Variants in SPATA17 observed in about 807,000 individuals in gnomAD.
The protein encoded by SPATA17 is spermatogenesis-associated protein 17.
A neutral mutation model predicts 62.2 loss-of-function variants in SPATA17; 53 were observed. The observed-to-expected ratio is 0.85, with a 90% confidence interval of 0.68 to 1.07. The LOEUF is 1.07. SPATA17 is among the 50% of genes least tolerant of loss of function. The pLI is 0.00. For missense variants in SPATA17, 466 were observed against 425.5 expected (o/e 1.10, Z -0.84); for synonymous variants, 146 against 146.8 (o/e 0.99, Z 0.04).
intron 10 of SPATA17, among the ~76,000 whole-genome samples, chr1:217,863,455 TA>T (rs1490201170): frequency 6.6e-6 from 1 of 152,040 alleles, no homozygotes; most frequent in African/African-American, 2.4e-5. Flanking sequence ...ACTAATACAA[TA>T]AATAGTTTTA....
intron 9 of SPATA17, among the ~76,000 whole-genome samples, chr1:217,846,578 T>A (rs1675534911): frequency 6.6e-6 from 1 of 152,082 alleles, no homozygotes; most frequent in Non-Finnish European, 1.5e-5. Flanking sequence ...ACTGAAAGAC[T>A]TTTCCTACTA....
Position 217,801,723 on chromosome 1 carries a change from T to C in SPATA17, c.878T>C (p.Leu293Ser). The C allele has an allele frequency of 1.3e-6, 2 of 1,595,044 alleles. No homozygotes were observed. Among genetic ancestry groups the C allele is most frequent in the Non-Finnish European group, 1.7e-6 (2 of 1,173,860 alleles). ...WLQNVNDNMF[L>S]PFSSYHKNEK... ...CTCTTAAATATTTCTTTCAGGTTTTTGCCATTTTCTTCATACCATAAAAAT... is the reference window on the plus strand; with the variant it reads ...CTCTTAAATATTTCTTTCAGGTTTTCGCCATTTTCTTCATACCATAAAAAT... Residue 293 changes from leucine (L) to serine (S), a missense_variant, in exon 9 of 11, where the codon TTG (leucine) becomes TCG (serine). Leu to Ser is a moderately radical substitution (Grantham distance 145). Coordinates refer to ENST00000366933, the MANE Select transcript of SPATA17 (RefSeq NM_138796.4).
rs144541820 is a variant in SPATA17, at chr1:217,774,435, G to A, written c.621G>A (p.Lys207=). 1.4e-3 allele frequency: 2,328 copies of A among 1,614,084 alleles called. 5 individuals are homozygous for A. Among genetic ancestry groups the A allele is most frequent in the Non-Finnish European group, 1.9e-3 (2,216 of 1,180,004 alleles). The change falls in exon 7 of 11, where the codon AAG becomes AAA. Residue 207 remains lysine (K), a synonymous_variant. Transcript: ENST00000366933. ...TAACACACCGAAGACCTAAAGTTAA[G>A]CAGAAGGACTCCACCAGCCTTACTG... ...KPLTHRRPKV[K]QKDSTSLTDW...
At chr1:217,764,050 G>T (rs1571789891) in intron 6 of SPATA17, among the ~76,000 whole-genome samples, 1 of 152,034 alleles carries the variant, frequency 6.6e-6, no homozygotes, top group African/African-American at 2.4e-5. Context: ...CCAATAAATG[G>T]TGCATTTATT....
chr1:217,645,636 A>C (rs1409486168), intron 1 of SPATA17, among the ~76,000 whole-genome samples: 1 of 152,164 alleles, frequency 6.6e-6, no homozygotes, highest in Admixed American at 6.6e-5. Flanking sequence ...TTTATTGCAC[A>C]TTAGCTTTAT....
chr1:217,807,839 G>T (rs182514402), intron 9 of SPATA17, among the ~76,000 whole-genome samples: 2 of 152,284 alleles, frequency 1.3e-5, no homozygotes, highest in African/African-American at 4.8e-5. Context: ...CTTACTATGC[G>T]TTTAACCTGT....
chr1:217,736,539 G>C (rs1672512700), intron 5 of SPATA17, among the ~76,000 whole-genome samples: 1 of 147,256 alleles, frequency 6.8e-6, no homozygotes, highest in South Asian at 2.1e-4. Context: ...ATCCACATCA[G>C]AAAGTAAATA....
At chr1:217,848,192 A>C (rs1263810978) in intron 9 of SPATA17, among the ~76,000 whole-genome samples, 1 of 151,650 alleles carries the variant, frequency 6.6e-6, no homozygotes, top group Non-Finnish European at 1.5e-5. Flanking sequence ...AAATATGTTC[A>C]AAGATTTGTA....
chr1:217,792,832 G>A (rs1268948443), intron 8 of SPATA17, among the ~76,000 whole-genome samples: 2 of 152,138 alleles, frequency 1.3e-5, no homozygotes, highest in Admixed American at 1.3e-4. Flanking sequence ...ATTGAGGAGA[G>A]CAGAGGCAGG....
Position 217,659,858 on chromosome 1 carries a change from C to A in SPATA17, c.240+8680C>A, listed in dbSNP as rs10495065. ...CATTTTTACTTTCCCTCTTAAAAGC[C>A]TCTTGATTCCAAACTAAACTGCATC... is the stretch of plus-strand genomic sequence containing the variant. On this transcript the variant is annotated intron_variant, in intron 3 of 10. Coordinates refer to ENST00000366933, the MANE Select transcript of SPATA17 (RefSeq NM_138796.4). Among the ~76,000 whole-genome samples the A allele has an allele frequency of 3.9e-5, 6 of 152,140 alleles. No individual in the cohort carries two copies. In the East Asian group the frequency reaches 5.8e-4, roughly 15 times the overall value.
chr1:217,727,285 A>AC (rs1672287297), intron 5 of SPATA17, among the ~76,000 whole-genome samples: 1 of 146,676 alleles, frequency 6.8e-6, no homozygotes, highest in Non-Finnish European at 1.5e-5. Flanking sequence ...AATAATAATA[A>AC]TAACAACAAA....
At chr1:217,683,915 G>A (rs1166714491) in intron 5 of SPATA17, among the ~76,000 whole-genome samples, 1 of 151,828 alleles carries the variant, frequency 6.6e-6, no homozygotes. Flanking sequence ...GTAGTATCTT[G>A]GTCCTATACA....
At chr1:217,700,057 T>C (rs900333333) in intron 5 of SPATA17, among the ~76,000 whole-genome samples, 4 of 152,188 alleles carry the variant, frequency 2.6e-5, no homozygotes, top group African/African-American at 9.7e-5. Context: ...CTATCTTATC[T>C]ACTGTAACTA....
rs1012014529 is a variant in SPATA17 at position 217,751,832 on chromosome 1, G to A, written c.519+9734G>A. Among the ~76,000 whole-genome samples, 68 of 152,148 alleles carry A rather than the reference G, an allele frequency of 4.5e-4. 1 individual carries two copies. The highest frequency in any genetic ancestry group is 4.4e-4 in the Non-Finnish European group (30 of 67,988). On this transcript the variant is annotated intron_variant, in intron 6 of 10. Transcript: ENST00000366933. ...AAAAGAGAGCCACTTAGGTAGAAAAGGGCCTTAGCTCTTTCCCTTATATAT... is the reference window on the plus strand; with the variant it reads ...AAAAGAGAGCCACTTAGGTAGAAAAAGGCCTTAGCTCTTTCCCTTATATAT...
In SPATA17 at chr1:217,648,881, GTGT is replaced by G. The variant is rs769989198; in HGVS notation, c.72_74del (p.Val25del). 2.6e-5 allele frequency: 42 copies of G among 1,590,582 alleles called. No individual in the cohort carries two copies. Among genetic ancestry groups the G allele is most frequent in the Non-Finnish European group, 3.4e-5 (40 of 1,170,152 alleles). On this transcript the variant is annotated inframe_deletion and splice_region_variant, in exon 2 of 11. Coordinates refer to ENST00000366933, the MANE Select transcript of SPATA17 (RefSeq NM_138796.4). The stretch of plus-strand genomic sequence containing the variant: ...AGTGCTTTTTAAACATTTTGTTTTA[GTGT>G]TGTAGATCCATTTAGAAAAAAGGAG...
intron 9 of SPATA17, among the ~76,000 whole-genome samples, chr1:217,855,246 C>T (rs970221350): frequency 6.6e-6 from 1 of 152,182 alleles, no homozygotes; most frequent in Non-Finnish European, 1.5e-5. Context: ...CCTTTAGTGC[C>T]AGTTTCATAT....
chr1:217,728,376 A>T (rs1311648874), intron 5 of SPATA17, among the ~76,000 whole-genome samples: 1 of 152,140 alleles, frequency 6.6e-6, no homozygotes, highest in Non-Finnish European at 1.5e-5. Context: ...CTGTTTCTTA[A>T]TTGTTATACA....
intron 5 of SPATA17, among the ~76,000 whole-genome samples, chr1:217,723,093 G>T (rs1299000406): frequency 6.6e-6 from 1 of 152,114 alleles, no homozygotes; most frequent in Non-Finnish European, 1.5e-5. Context: ...CGTAAACCTG[G>T]TGTTGAGGCC....
intron 9 of SPATA17, among the ~76,000 whole-genome samples, chr1:217,809,074 A>C (rs61825831): frequency 0.033 from 4,953 of 152,270 alleles, 109 homozygotes; most frequent in Middle Eastern, 0.065. Flanking sequence ...CGTTAGACCG[A>C]AAAGAAAAAT....
Sources: gnomAD v4.1 joint callset for allele counts (sites outside exome capture counted in the v4.1 genomes callset) on GRCh38, gnomAD v4.1.1 for gene constraint, MANE v1.5 for transcripts, NCBI Gene and HGNC (gene_info 2026-07-23, HGNC 2026-07-21) for gene names.